The following DENND1B variants were observed in gnomAD, a reference collection of about 807,000 sequenced individuals.
DENND1B encodes DENN domain-containing protein 1B.
A neutral mutation model predicts 90.1 loss-of-function variants in DENND1B; 59 were observed. The observed-to-expected ratio is 0.65, with a 90% CI of 0.53 to 0.81. The LOEUF (loss-of-function observed/expected upper bound fraction) is 0.81. DENND1B is among the 40% of genes least tolerant of loss of function. The pLI is 0.00. For missense variants in DENND1B, 862 were observed against 912.6 expected (o/e 0.94, Z 0.71); for synonymous variants, 337 against 324.6 (o/e 1.04, Z -0.41).
chr1:197,617,766 T>G lies in DENND1B; in HGVS notation c.673-7A>C. The G allele has an allele frequency of 6.2e-7, 1 of 1,601,904 alleles. No homozygotes were observed. Among genetic ancestry groups the G allele is most frequent in the East Asian group, 2.2e-5 (1 of 44,630 alleles). ...CATGGATACAGGCAGTTAACTGAAA[T>G]TTGTAAAAGGATAACAAAAATAAGT... On this transcript the variant is annotated splice_region_variant and splice_polypyrimidine_tract_variant and intron_variant, in intron 10 of 22. Transcript: ENST00000620048.
chr1:197,666,928 G>A (rs1047950844), intron 5 of DENND1B, among the ~76,000 whole-genome samples: 1 of 152,116 alleles, frequency 6.6e-6, no homozygotes, highest in African/African-American at 2.4e-5. Context: ...GAGTTCAGGC[G>A]ATTGAGACCA....
intron 13 of DENND1B, among the ~76,000 whole-genome samples, chr1:197,597,829 T>C (rs1287634598): frequency 1.3e-5 from 2 of 151,856 alleles, no homozygotes; most frequent in African/African-American, 4.8e-5. Flanking sequence ...CTATCAGTCA[T>C]ATACACACTT....
At chr1:197,752,857 T>C (rs1653754976) in intron 2 of DENND1B, among the ~76,000 whole-genome samples, 1 of 152,134 alleles carries the variant, frequency 6.6e-6, no homozygotes. Context: ...CATTGTTCAG[T>C]TCACTCTATG....
chr1:197,612,354 T>C (rs1416427243), intron 11 of DENND1B, among the ~76,000 whole-genome samples: 2 of 150,600 alleles, frequency 1.3e-5, no homozygotes, highest in African/African-American at 4.9e-5. Flanking sequence ...ATCAAATTTA[T>C]TAACATCCGT....
At chr1:197,525,730 T>C (rs1159415206) in intron 20 of DENND1B, among the ~76,000 whole-genome samples, 1 of 152,090 alleles carries the variant, frequency 6.6e-6, no homozygotes, top group Non-Finnish European at 1.5e-5. Context: ...TATTAATATA[T>C]AATGAACATA....
chr1:197,774,942 G>A (rs1211655374), intron 1 of DENND1B, among the ~76,000 whole-genome samples, 197 bp downstream of exon 1: 1 of 152,096 alleles, frequency 6.6e-6, no homozygotes, highest in Non-Finnish European at 1.5e-5. Context: ...GGGACGCAGG[G>A]CGGGCAGGCT....
chr1:197,506,200 C>T lies in DENND1B; in HGVS notation c.*4260G>A, dbSNP rs1028826146. 4 of 151,494 alleles carry T rather than the reference C, an allele frequency of 2.6e-5. No homozygotes were observed. The highest frequency in any genetic ancestry group is 4.8e-5 in the African/African-American group (2 of 41,368). The allele number at this position is 151,494 out of a possible 1,614,324, so 9.4% of individuals were successfully genotyped here. On this transcript the variant is annotated 3_prime_UTR_variant, in exon 23 of 23. Transcript: ENST00000620048. ...AAGTTATGCAAGAAAAATTATTGCA[C>T]GAAATCCTATTTTCAAAATAAAATA...
intron 13 of DENND1B, among the ~76,000 whole-genome samples, chr1:197,600,678 CAAACAGTATAAAGGATAAT>C (rs1226026212): frequency 3.6e-4 from 55 of 151,502 alleles, no homozygotes; most frequent in African/African-American, 1.1e-3. Flanking sequence ...ATAAATATAC[CAAACAGTATAAAGGATAAT>C]AAACAGTATA....
intron 15 of DENND1B, among the ~76,000 whole-genome samples, chr1:197,558,952 T>C (rs770052976): frequency 2.0e-5 from 3 of 151,980 alleles, no homozygotes; most frequent in Non-Finnish European, 2.9e-5. Context: ...ATATAAAGAA[T>C]AGACTCCATA....
chr1:197,615,133 TG>T (rs1400034642), intron 11 of DENND1B, among the ~76,000 whole-genome samples: 2 of 151,254 alleles, frequency 1.3e-5, no homozygotes, highest in Admixed American at 6.6e-5. Flanking sequence ...CTGTGCTGTG[TG>T]TGTGCATGTG....
rs1656322908 is a variant in DENND1B, at chr1:197,770,613, T to C, written c.82+2255A>G. On this transcript the variant is annotated intron_variant, in intron 2 of 22. Transcript: ENST00000620048. ...TGTTGTGTGTGTGTGTGTGTATATA[T>C]ATCTATAAATATATATAAAAATATA... Among the ~76,000 whole-genome samples the C allele has an allele frequency of 2.2e-5, 3 of 137,906 alleles. No individual in the cohort carries two copies. The Admixed American group carries it at 2.4e-4, about 11-fold the overall frequency. The allele number at this position is 137,906 out of a possible 152,430, so 90.5% of individuals were successfully genotyped here.
intron 8 of DENND1B, among the ~76,000 whole-genome samples, chr1:197,645,947 A>C (rs894906880): frequency 1.3e-5 from 2 of 151,898 alleles, no homozygotes; most frequent in Non-Finnish European, 2.9e-5. Flanking sequence ...ACAAAAAGTT[A>C]AGACTTGGTT....
chr1:197,718,293 TC>T (rs1660831773), intron 2 of DENND1B, among the ~76,000 whole-genome samples: 1 of 151,688 alleles, frequency 6.6e-6, no homozygotes, highest in African/African-American at 2.4e-5. Context: ...GAGAGAAACG[TC>T]AAAGGGCAAT....
Position 197,619,942 on chromosome 1 carries a change from T to C in DENND1B, c.673-2183A>G, listed in dbSNP as rs532181467. Among the ~76,000 whole-genome samples the C allele has an allele frequency of 7.3e-5, 11 of 151,312 alleles. No homozygotes were observed. In the South Asian group the frequency reaches 1.9e-3, roughly 26 times the overall value. On this transcript the variant is annotated intron_variant, in intron 10 of 22. Transcript: ENST00000620048. ...TTGGCAACTTTCTGGATGTGGGGTA[T>C]AGGTGACAAGGAGAGGAAAAAATAT...
At chr1:197,705,350 T>C (rs1571428652) in intron 3 of DENND1B, among the ~76,000 whole-genome samples, 1 of 152,156 alleles carries the variant, frequency 6.6e-6, no homozygotes, top group Non-Finnish European at 1.5e-5. Flanking sequence ...AAAGTTCCTT[T>C]CAGCTCTAAC....
intron 5 of DENND1B, among the ~76,000 whole-genome samples, chr1:197,659,348 C>T (rs1193694953): frequency 6.6e-6 from 1 of 151,578 alleles, no homozygotes; most frequent in Non-Finnish European, 1.5e-5. Flanking sequence ...TGAATGATGC[C>T]ATTTGAATCA....
intron 2 of DENND1B, among the ~76,000 whole-genome samples, chr1:197,736,817 T>C (rs1662735789): frequency 6.6e-6 from 1 of 152,230 alleles, no homozygotes; most frequent in African/African-American, 2.4e-5. Flanking sequence ...GCCTTTCTCT[T>C]AGACTGCTAT....
At chr1:197,722,126 G>A (rs1486780903) in intron 2 of DENND1B, among the ~76,000 whole-genome samples, 3 of 151,972 alleles carry the variant, frequency 2.0e-5, no homozygotes, top group African/African-American at 7.2e-5. Flanking sequence ...TAAGCAATTA[G>A]TTCCAATATG....
upstream of DENND1B, among the ~76,000 whole-genome samples, chr1:197,778,698 G>C (rs2102536004): frequency 1.3e-5 from 2 of 151,484 alleles, no homozygotes; most frequent in South Asian, 4.2e-4. Flanking sequence ...AAAAAAAAAA[G>C]AGAGAAAAAT....
Sources: allele counts gnomAD v4.1 joint callset (sites outside exome capture counted in the v4.1 genomes callset), GRCh38; gene constraint gnomAD v4.1.1; transcripts MANE v1.5; gene names NCBI Gene and HGNC (gene_info 2026-07-23, HGNC 2026-07-21).